VPS13C: variants seen among roughly 807,000 people sequenced by gnomAD.
VPS13C encodes the protein intermembrane lipid transfer protein VPS13C.
In VPS13C, 358 loss-of-function variants were observed where a neutral mutation model predicts 456.8. The ratio of observed to expected loss-of-function variants is 0.78; its 90% CI spans 0.72 to 0.86. The LOEUF (loss-of-function observed/expected upper bound fraction) is 0.86. VPS13C is among the 40% of genes least tolerant of loss of function. The pLI is 0.00. For synonymous variants in VPS13C, 1,578 were observed against 1,486.7 expected (o/e 1.06, Z -1.41); for missense variants, 4,818 against 4,385.4 (o/e 1.10, Z -2.79).
intron 34 of VPS13C, 53 bp downstream of exon 34, chr15:61,962,318 C>A: frequency 6.8e-7 from 1 of 1,461,476 alleles, no homozygotes; most frequent in South Asian, 1.4e-5. Context: ...ATAATTATCA[C>A]ACTTTTAAAA....
intron 1 of VPS13C, among the ~76,000 whole-genome samples, chr15:62,057,959 A>AG (rs745895813): frequency 1.3e-5 from 2 of 152,252 alleles, no homozygotes; most frequent in African/African-American, 2.4e-5. Context: ...ACCTCTGACT[A>AG]TATCCATACG....
rs2048332456 is a variant in VPS13C at position 62,044,198 on chromosome 15, T to A, written c.144+14A>T. 2 of 1,472,796 alleles carry A rather than the reference T, an allele frequency of 1.4e-6. No individual in the cohort carries two copies. The highest frequency in any genetic ancestry group is 1.9e-6 in the Non-Finnish European group (2 of 1,071,982). 91.2% of individuals were successfully genotyped at this position (1,472,796 alleles called of 1,614,324 possible). A position where few individuals can be genotyped will look rare whatever the true frequency, so the allele number is the denominator to read the frequency against. ...AATTAAGTGAGTTATTAGCATAGTTTAAAAAAAACTTACCAGGGCATTTTC... is the reference window on the plus strand; with the variant it reads ...AATTAAGTGAGTTATTAGCATAGTTAAAAAAAAACTTACCAGGGCATTTTC... On this transcript the variant is annotated intron_variant, in intron 2 of 84. Coordinates refer to ENST00000644861, the MANE Select transcript of VPS13C (RefSeq NM_020821.3).
intron 46 of VPS13C, among the ~76,000 whole-genome samples, chr15:61,941,438 C>A (rs2044421658): frequency 6.6e-6 from 1 of 151,196 alleles, no homozygotes; most frequent in Non-Finnish European, 1.5e-5. Context: ...TTTTTCCCAC[C>A]AAAAATAAAA....
At chr15:61,966,675 C>G (rs1429963276) in intron 29 of VPS13C, among the ~76,000 whole-genome samples, 1 of 151,922 alleles carries the variant, frequency 6.6e-6, no homozygotes, top group Non-Finnish European at 1.5e-5. Flanking sequence ...TGTGAGAAGT[C>G]TTCTGGCCTT....
At position 61,958,689 on chromosome 15, in the gene VPS13C, G is replaced by T; in HGVS notation, c.4084C>A (p.Leu1362Ile). 1 of 1,552,320 alleles carries T rather than the reference G, an allele frequency of 6.4e-7. No individual in the cohort carries two copies. Among genetic ancestry groups the T allele is most frequent in the Non-Finnish European group, 8.7e-7 (1 of 1,153,148 alleles). The change falls in exon 37 of 85, where the codon CTT becomes ATT. Residue 1362 changes from leucine to isoleucine, a missense_variant. Coordinates refer to ENST00000644861, the MANE Select transcript of VPS13C (RefSeq NM_020821.3). ...NVSLNQEDLN[L>I]LFRILTENLC... ...TTTTCTGTTAGTATCCTAAATAAAA[G>T]ATTAAGATCTTCTTGATTTAGACTA...
At chr15:61,890,124 C>T (rs1238109490) in intron 67 of VPS13C, 41 bp downstream of exon 67, 16 of 1,594,538 alleles carry the variant, frequency 1.0e-5, no homozygotes, top group Non-Finnish European at 1.4e-5. Flanking sequence ...AACTTAATGC[C>T]TTTTAAAGGT....
intron 1 of VPS13C, among the ~76,000 whole-genome samples, chr15:62,049,619 G>A (rs1055358601): frequency 2.0e-5 from 3 of 152,152 alleles, no homozygotes; most frequent in Non-Finnish European, 4.4e-5. Flanking sequence ...CTTTAAAGTA[G>A]TTTTTCCAAT....
chr15:61,862,023 C>T (rs1239431368), intron 82 of VPS13C, among the ~76,000 whole-genome samples: 1 of 152,004 alleles, frequency 6.6e-6, no homozygotes, highest in Non-Finnish European at 1.5e-5. Flanking sequence ...TCACTTGAAC[C>T]CAGGAGGCAG....
intron 16 of VPS13C, among the ~76,000 whole-genome samples, chr15:61,997,399 T>C (rs2046425119): frequency 6.6e-6 from 1 of 152,140 alleles, no homozygotes; most frequent in African/African-American, 2.4e-5. Context: ...TCTCATGCAA[T>C]CTCATGGCTT....
At chr15:61,911,095 T>C (rs2043289727) in intron 63 of VPS13C, among the ~76,000 whole-genome samples, 1 of 152,184 alleles carries the variant, frequency 6.6e-6, no homozygotes, top group Non-Finnish European at 1.5e-5. Flanking sequence ...TTAGAATCTT[T>C]CTTTAAACAG....
At chr15:62,046,089 AAATT>A (rs1212529327) in intron 1 of VPS13C, among the ~76,000 whole-genome samples, 1 of 152,204 alleles carries the variant, frequency 6.6e-6, no homozygotes, top group East Asian at 1.9e-4. Flanking sequence ...TTTCTAAAAT[AAATT>A]GTCGAAAACT....
At chr15:62,037,456 AAATAT>A (rs1416226408) in intron 3 of VPS13C, among the ~76,000 whole-genome samples, 28 of 50,272 alleles carry the variant, frequency 5.6e-4, no homozygotes, top group African/African-American at 1.2e-3. Flanking sequence ...ATAAATATAT[AAATAT>A]AATATAATAA....
chr15:61,879,010 G>A (rs1324227248), intron 73 of VPS13C, among the ~76,000 whole-genome samples: 1 of 151,914 alleles, frequency 6.6e-6, no homozygotes, highest in Non-Finnish European at 1.5e-5. Context: ...TTCATATGAG[G>A]GAAACCGACA....
Position 61,972,658 on chromosome 15 carries a change from G to A in VPS13C, c.2724C>T (p.Leu908=). 6.2e-7 allele frequency: 1 copy of A among 1,613,320 alleles called. No homozygotes were observed. The highest frequency in any genetic ancestry group is 1.1e-5 in the South Asian group (1 of 91,028). The change falls in exon 27 of 85, where the codon CTC becomes CTT. Residue 908 remains leucine (L), a synonymous_variant. Transcript: ENST00000644861. ...TTTCAAACTTGAGTAGAAGATTGAT[G>A]AGCTCCTCATTTGGGACCTCTGCAG... The part of the protein sequence containing the change: ...KKAAEVPNEE[L]INLLLKFEIK...
chr15:61,978,499 A>C, intron 23 of VPS13C, 127 bp downstream of exon 23: 2 of 1,142,564 alleles, frequency 1.8e-6, no homozygotes, highest in South Asian at 3.8e-5. Context: ...TGGTTTATTT[A>C]AGCAGCCAAA....
At chr15:62,018,579 T>A (rs2140552100) in intron 9 of VPS13C, among the ~76,000 whole-genome samples, 1 of 152,054 alleles carries the variant, frequency 6.6e-6, no homozygotes, top group East Asian at 1.9e-4. Context: ...GTTTATATGC[T>A]GGATTACATT....
chr15:61,941,785 G>T lies in VPS13C; in HGVS notation c.5431C>A (p.Leu1811Ile). Residue 1811 changes from leucine (L) to isoleucine (I), a missense_variant, in exon 46 of 85, where the codon CTC becomes ATC. By Grantham distance (5) the Leu-to-Ile change is conservative. This residue lies in a region of VPS13C where 4,552 missense variants were observed against 4,130.6 expected (regional missense o/e 1.10). Transcript: ENST00000644861. ...TACCTTGACAGCTTCAACTGAGTGA[G>T]TTCGATGTTCATTTTATCAATGACT... ...PPVIDKMNIELTQLKLSRTIL... is the reference protein window; with the variant it reads ...PPVIDKMNIEITQLKLSRTIL... 6.2e-7 allele frequency: 1 copy of T among 1,612,420 alleles called. No homozygotes were observed. Among genetic ancestry groups the T allele is most frequent in the Non-Finnish European group, 8.5e-7 (1 of 1,179,058 alleles).
chr15:62,048,785 T>C (rs1368494924), intron 1 of VPS13C, among the ~76,000 whole-genome samples: 2 of 152,194 alleles, frequency 1.3e-5, no homozygotes, highest in Non-Finnish European at 2.9e-5. Flanking sequence ...GACTTTTTAA[T>C]GATCGCCATT....
At chr15:61,880,750 A>AT in intron 72 of VPS13C, 28 bp from the exon 73 acceptor site, 1 of 1,538,878 alleles carries the variant, frequency 6.5e-7, no homozygotes, top group Non-Finnish European at 8.8e-7. Flanking sequence ...AAGAATTTCT[A>AT]TTTTAATTTT....
Sources: gnomAD v4.1 joint callset for allele counts (sites outside exome capture counted in the v4.1 genomes callset) on GRCh38, gnomAD v4.1.1 for gene constraint, gnomAD v4.1.1 regional missense constraint, MANE v1.5 for transcripts, NCBI Gene and HGNC (gene_info 2026-07-23, HGNC 2026-07-21) for gene names.